Variants in CACNA2D3 observed in about 807,000 individuals in gnomAD.
The protein encoded by CACNA2D3 is calcium voltage-gated channel auxiliary subunit alpha2delta 3, also known as voltage-dependent calcium channel subunit alpha-2/delta-3.
CACNA2D3 carries 60 observed loss-of-function variants against 160.6 expected under a neutral mutation model. The observed-to-expected ratio is 0.37, with a 90% confidence interval of 0.30 to 0.46. The LOEUF (loss-of-function observed/expected upper bound fraction) is 0.46. Among genes scored for constraint, CACNA2D3 ranks in the 20% least tolerant of loss-of-function variants. CACNA2D3 has a pLI of 1.00. For synonymous variants in CACNA2D3, 558 were observed against 492.9 expected, an observed-to-expected ratio of 1.13 and a Z score of -1.75; for missense variants, 1,205 against 1,365.0, an observed-to-expected ratio of 0.88 and a Z score of 1.85.
chr3:54,205,293 A>C (rs1264357633), intron 2 of CACNA2D3, among the ~76,000 whole-genome samples: 2 of 152,166 alleles, frequency 1.3e-5, no homozygotes, highest in Non-Finnish European at 2.9e-5. Flanking sequence ...GGGTTTCACC[A>C]TATTGGCCAG....
chr3:54,333,686 C>T (rs1211098644), intron 3 of CACNA2D3, among the ~76,000 whole-genome samples: 5 of 151,750 alleles, frequency 3.3e-5, no homozygotes, highest in Non-Finnish European at 5.9e-5. Context: ...GGAGAAAGCC[C>T]GAGAAGCCTG....
chr3:54,412,880 C>A (rs1393090124), intron 4 of CACNA2D3, among the ~76,000 whole-genome samples: 1 of 151,572 alleles, frequency 6.6e-6, no homozygotes, highest in Non-Finnish European at 1.5e-5. Flanking sequence ...CATAATGTAA[C>A]ATTTTTGTTT....
intron 5 of CACNA2D3, among the ~76,000 whole-genome samples, chr3:54,513,861 A>G (rs12330700): frequency 0.049 from 7,498 of 152,086 alleles, 623 homozygotes; most frequent in African/African-American, 0.17. Context: ...TTGTATTTTT[A>G]TCAGAGACAC....
chr3:54,549,335 A>G (rs920117647), intron 5 of CACNA2D3, among the ~76,000 whole-genome samples: 11 of 152,060 alleles, frequency 7.2e-5, no homozygotes, highest in Non-Finnish European at 1.5e-4. Context: ...AGTCCCAGCT[A>G]CTCTGGAGGC....
At chr3:54,956,168 C>T (rs1020685047) in intron 27 of CACNA2D3, among the ~76,000 whole-genome samples, 5 of 152,184 alleles carry the variant, frequency 3.3e-5, no homozygotes, top group African/African-American at 1.2e-4. Context: ...ATCTGCCACC[C>T]AGGTGTTTGA....
intron 2 of CACNA2D3, among the ~76,000 whole-genome samples, chr3:54,146,084 T>C (rs2107274374): frequency 6.6e-6 from 1 of 152,328 alleles, no homozygotes; most frequent in Middle Eastern, 3.4e-3. Context: ...TTTAAATAGG[T>C]CTTTTTTCCT....
At chr3:55,018,729 A>C (rs918618179) in intron 35 of CACNA2D3, among the ~76,000 whole-genome samples, 5 of 151,828 alleles carry the variant, frequency 3.3e-5, no homozygotes, top group Non-Finnish European at 5.9e-5. Flanking sequence ...TTGAGTATGC[A>C]TTTCCCTGAC....
chr3:54,172,880 AC>A (rs1700604125), intron 2 of CACNA2D3, among the ~76,000 whole-genome samples: 1 of 152,214 alleles, frequency 6.6e-6, no homozygotes, highest in South Asian at 2.1e-4. Context: ...AGCCAGGAAG[AC>A]CAACACTTAA....
chr3:55,015,806 G>A (rs72866956), intron 34 of CACNA2D3, among the ~76,000 whole-genome samples: 14,678 of 152,144 alleles, frequency 0.096, 775 homozygotes, highest in African/African-American at 0.11. Flanking sequence ...ATAGAAAGGT[G>A]TTAGAAACTC....
At chr3:54,833,962 A>G (rs986019699) in intron 14 of CACNA2D3, among the ~76,000 whole-genome samples, 1 of 152,170 alleles carries the variant, frequency 6.6e-6, no homozygotes, top group East Asian at 1.9e-4. Flanking sequence ...CTGTTGCCAG[A>G]CTGAACTGAA....
intron 5 of CACNA2D3, among the ~76,000 whole-genome samples, chr3:54,535,041 G>A (rs1195962464): frequency 6.6e-6 from 1 of 152,198 alleles, no homozygotes; most frequent in African/African-American, 2.4e-5. Context: ...TACTGAAATT[G>A]TTTTATGCTT....
chr3:55,040,047 A>G (rs1175894231), intron 35 of CACNA2D3, among the ~76,000 whole-genome samples: 1 of 152,076 alleles, frequency 6.6e-6, no homozygotes, highest in Non-Finnish European at 1.5e-5. Context: ...GAGGTCCTAG[A>G]TGAGGGTGCC....
At chr3:54,381,975 A>G (rs1164898399) in intron 3 of CACNA2D3, among the ~76,000 whole-genome samples, 1 of 152,144 alleles carries the variant, frequency 6.6e-6, no homozygotes, top group Non-Finnish European at 1.5e-5. Context: ...TATTGTTATC[A>G]TTTTTATTGA....
rs71074970 is a variant in CACNA2D3 at position 54,451,229 on chromosome 3, C to CTTTTTTTTTTTTTTTTTTTTT, written c.382-52251_382-52231dup. On this transcript the variant is annotated intron_variant, in intron 4 of 37. Coordinates refer to ENST00000474759, the MANE Select transcript of CACNA2D3 (RefSeq NM_018398.3). Reference sequence around the variant, plus strand: ...TGTCCCTTTCTGCTGATATAATAATCTTTTTTTTTTTTTTTTTTTTTTTTT... The same window carrying CTTTTTTTTTTTTTTTTTTTTT: ...TGTCCCTTTCTGCTGATATAATAATCTTTTTTTTTTTTTTTTTTTTTTTTTTTTTTTTTTTTTTTTTTTTTT... Among the ~76,000 whole-genome samples, 4 of 51,732 alleles carry CTTTTTTTTTTTTTTTTTTTTT rather than the reference C, an allele frequency of 7.7e-5. 1 individual carries two copies. Among genetic ancestry groups the CTTTTTTTTTTTTTTTTTTTTT allele is most frequent in the African/African-American group, 2.6e-4 (3 of 11,594 alleles). The allele number at this position is 51,732 out of a possible 152,430, so 33.9% of individuals were successfully genotyped here.
chr3:54,952,453 G>A (rs1489019225), intron 27 of CACNA2D3, among the ~76,000 whole-genome samples: 1 of 152,196 alleles, frequency 6.6e-6, no homozygotes, highest in African/African-American at 2.4e-5. Context: ...AGACAGATCA[G>A]TTCACAGATG....
At chr3:54,775,513 G>A (rs1702410286) in intron 13 of CACNA2D3, among the ~76,000 whole-genome samples, 1 of 152,128 alleles carries the variant, frequency 6.6e-6, no homozygotes, top group Non-Finnish European at 1.5e-5. Flanking sequence ...AGTATTCTAA[G>A]TAATCAGGTG....
intron 4 of CACNA2D3, among the ~76,000 whole-genome samples, chr3:54,485,193 C>T (rs905268330): frequency 1.8e-4 from 27 of 152,180 alleles, no homozygotes; most frequent in African/African-American, 6.0e-4. Context: ...TAATAGGCAA[C>T]ACCAAAAATA....
chr3:54,510,351 A>G (rs184959546), intron 5 of CACNA2D3, among the ~76,000 whole-genome samples: 4 of 152,276 alleles, frequency 2.6e-5, no homozygotes, highest in African/African-American at 9.6e-5. Flanking sequence ...TCTCATTGAC[A>G]ATGACCCCAT....
chr3:54,728,277 T>G (rs1057413038), intron 11 of CACNA2D3, among the ~76,000 whole-genome samples: 1 of 152,186 alleles, frequency 6.6e-6, no homozygotes, highest in Non-Finnish European at 1.5e-5. Context: ...TTGTCTAGTT[T>G]TTTCTCTATA....
Sources: allele counts gnomAD v4.1 joint callset (sites outside exome capture counted in the v4.1 genomes callset), GRCh38; gene constraint gnomAD v4.1.1; transcripts MANE v1.5; gene names NCBI Gene and HGNC (gene_info 2026-07-23, HGNC 2026-07-21).